ZFHX3: variants seen among roughly 807,000 people sequenced by gnomAD.
The protein encoded by ZFHX3 is zinc finger homeobox 3, also known as zinc finger homeobox protein 3.
Under a neutral mutation model 279.1 loss-of-function variants are expected in ZFHX3, and 42 were observed. The ratio of observed to expected loss-of-function variants is 0.15; its 90% CI spans 0.12 to 0.19. The LOEUF (loss-of-function observed/expected upper bound fraction) is 0.19. Among genes scored for constraint, ZFHX3 ranks in the 10% least tolerant of loss-of-function variants. ZFHX3 has a pLI of 1.00. For synonymous variants in ZFHX3, 2,293 were observed against 1,957.8 expected (o/e 1.17, Z -4.52); for missense variants, 4,981 against 4,754.0 (o/e 1.05, Z -1.40).
chr16:72,788,073 G>C lies in ZFHX3; in HGVS notation c.10203C>G (p.Thr3401=), dbSNP rs372088967. The part of the protein sequence containing the change: ...VQQQQPKASQ[T]PVPPGAPSPD... ...GGGAAGGAGCCCCGGGGGGGACTGG[G>C]GTTTGGCTTGCTTTGGGCTGCTGCT... Residue 3401 remains threonine, a synonymous_variant, in exon 10 of 10, where the codon ACC becomes ACG. Coordinates refer to ENST00000268489, the MANE Select transcript of ZFHX3 (RefSeq NM_006885.4). 6.2e-7 allele frequency: 1 copy of C among 1,611,876 alleles called. No homozygotes were observed. Among genetic ancestry groups the C allele is most frequent in the Non-Finnish European group, 8.5e-7 (1 of 1,179,876 alleles).
At chr16:73,857,482 C>T (rs1401830251) in intron 1 of ZFHX3, among the ~76,000 whole-genome samples, 1 of 152,138 alleles carries the variant, frequency 6.6e-6, no homozygotes, top group Non-Finnish European at 1.5e-5. Flanking sequence ...ACTACAGTTT[C>T]CCCTTTGTTC....
intron 3 of ZFHX3, among the ~76,000 whole-genome samples, chr16:73,321,460 T>C (rs867348096): frequency 6.6e-6 from 1 of 152,210 alleles, no homozygotes. Context: ...CCAGGGCATG[T>C]ACATTTTATG....
chr16:73,546,344 G>A (rs1470213540), intron 2 of ZFHX3, among the ~76,000 whole-genome samples: 1 of 152,140 alleles, frequency 6.6e-6, no homozygotes, highest in Non-Finnish European at 1.5e-5. Flanking sequence ...CTGCGTTGGA[G>A]GCTGTAGGAC....
intron 1 of ZFHX3, among the ~76,000 whole-genome samples, chr16:73,792,778 C>A (rs1281824721): frequency 6.6e-6 from 1 of 151,890 alleles, no homozygotes; most frequent in Non-Finnish European, 1.5e-5. Flanking sequence ...CAACCTTTTT[C>A]TTTGAAGGCA....
intron 2 of ZFHX3, among the ~76,000 whole-genome samples, chr16:73,623,365 A>AT (rs534706829): frequency 3.3e-5 from 5 of 151,436 alleles, no homozygotes; most frequent in Admixed American, 6.6e-5. Flanking sequence ...AGTGCAACAT[A>AT]TTTTTTTTTC....
chr16:73,401,090 G>C (rs1242579604), intron 3 of ZFHX3: 1 of 151,946 alleles, frequency 6.6e-6, no homozygotes, highest in African/African-American at 2.4e-5. Context: ...TCCGTCCCCA[G>C]CCACCTAATG....
intron 3 of ZFHX3, among the ~76,000 whole-genome samples, chr16:73,388,507 A>G (rs922210436): frequency 1.3e-5 from 2 of 152,148 alleles, no homozygotes; most frequent in Admixed American, 6.5e-5. Context: ...CTTTTGAAAT[A>G]TCCTGTTTAA....
intron 5 of ZFHX3, among the ~76,000 whole-genome samples, chr16:73,161,452 T>C (rs1388341327): frequency 1.3e-5 from 2 of 152,242 alleles, no homozygotes; most frequent in Non-Finnish European, 2.9e-5. Flanking sequence ...GTCTTCAGAC[T>C]TGATTATGTG....
intron 4 of ZFHX3, among the ~76,000 whole-genome samples, chr16:73,306,594 A>G (rs1480134190): frequency 6.6e-6 from 1 of 152,180 alleles, no homozygotes; most frequent in Non-Finnish European, 1.5e-5. Context: ...AAGTGCTGGG[A>G]TTGGAGGCGT....
chr16:73,205,669 T>G (rs1248542721), intron 5 of ZFHX3, among the ~76,000 whole-genome samples: 2 of 152,126 alleles, frequency 1.3e-5, no homozygotes, highest in Non-Finnish European at 2.9e-5. Context: ...TGAAGCAGCT[T>G]TGTAACATGG....
chr16:73,796,116 T>G (rs1258264362), intron 1 of ZFHX3, among the ~76,000 whole-genome samples: 1 of 152,236 alleles, frequency 6.6e-6, no homozygotes, highest in Non-Finnish European at 1.5e-5. Flanking sequence ...ATGTAACAAG[T>G]ACCTAATTTT....
At chr16:73,763,105 G>A (rs983367356) in intron 1 of ZFHX3, among the ~76,000 whole-genome samples, 2 of 152,026 alleles carry the variant, frequency 1.3e-5, no homozygotes, top group South Asian at 2.1e-4. Context: ...CATACATTAA[G>A]TCTGTGAAAA....
At chr16:73,683,385 C>A (rs1186689961) in intron 1 of ZFHX3, among the ~76,000 whole-genome samples, 2 of 152,150 alleles carry the variant, frequency 1.3e-5, no homozygotes, top group African/African-American at 4.8e-5. Flanking sequence ...ACGAGATAAC[C>A]TTTTATAAAT....
intron 1 of ZFHX3, among the ~76,000 whole-genome samples, chr16:73,025,800 A>G (rs945177249): frequency 6.6e-6 from 1 of 152,190 alleles, no homozygotes; most frequent in Admixed American, 6.5e-5. Flanking sequence ...AAGAAAAGTG[A>G]TCCAACTCTT....
chr16:73,497,575 C>G (rs2019163062), intron 2 of ZFHX3, among the ~76,000 whole-genome samples: 1 of 152,120 alleles, frequency 6.6e-6, no homozygotes, highest in Non-Finnish European at 1.5e-5. Flanking sequence ...GAGGCTGAGG[C>G]AGGAAGATCA....
At position 73,649,100 on chromosome 16, in the gene ZFHX3, A is replaced by G. The variant is rs537713646; in HGVS notation, c.-1547+31080T>C. Among the ~76,000 whole-genome samples the G allele has an allele frequency of 2.0e-5, 3 of 152,360 alleles. No individual in the cohort carries two copies. In the South Asian group the frequency reaches 6.2e-4, roughly 32 times the overall value. The stretch of plus-strand genomic sequence containing the variant: ...ATCACAATAGCCTTAACCACATGGG[A>G]TAATACTTTCTATGTTAACCATCAT... On this transcript the variant is annotated intron_variant, in intron 2 of 17. Coordinates refer to the ZFHX3 transcript ENST00000641206.
At chr16:73,821,639 T>A (rs1209332430) in intron 1 of ZFHX3, among the ~76,000 whole-genome samples, 1 of 152,238 alleles carries the variant, frequency 6.6e-6, no homozygotes, top group African/African-American at 2.4e-5. Context: ...GACCTGTGTC[T>A]GCCCTGAATA....
At chr16:73,287,760 CTGTGTGGGTGTGTGGGTAAG>C (rs372527604) in intron 4 of ZFHX3, among the ~76,000 whole-genome samples, 1,751 of 106,626 alleles carry the variant, frequency 0.016, 25 homozygotes, top group Non-Finnish European at 0.026. Context: ...TGGTGAGTGG[CTGTGTGGGTGTGTGGGTAAG>C]TGTGTGGGTG....
rs979286559 is a variant in ZFHX3 at position 73,183,262 on chromosome 16, A to C, written c.-1103-39431T>G. On this transcript the variant is annotated intron_variant, in intron 5 of 17. Coordinates refer to the ZFHX3 transcript ENST00000641206. ...AATGTTCACTATTTGGGTGATGCGG[A>C]CACTAAAAGCCAGACTTCATCACTG... Among the ~76,000 whole-genome samples, 3 of 152,194 alleles carry C rather than the reference A, an allele frequency of 2.0e-5. No individual in the cohort carries two copies. The East Asian group carries it at 5.8e-4, about 29-fold the overall frequency.
Sources: allele counts gnomAD v4.1 joint callset (sites outside exome capture counted in the v4.1 genomes callset), GRCh38; gene constraint gnomAD v4.1.1; transcripts MANE v1.5; gene names NCBI Gene and HGNC (gene_info 2026-07-23, HGNC 2026-07-21).